PFKL: variants seen among roughly 807,000 people sequenced by gnomAD.
PFKL encodes phosphofructokinase, liver type, also known as ATP-dependent 6-phosphofructokinase, liver type.
A neutral mutation model predicts 92.1 loss-of-function variants in PFKL; 74 were observed. The observed-to-expected ratio is 0.80, with a 90% CI of 0.67 to 0.97. The LOEUF is 0.97. PFKL is among the 50% of genes least tolerant of loss of function. The probability of loss-of-function intolerance (pLI) is 0.00; values close to 1 mark genes in which losing one functional copy is unlikely to be tolerated. For missense variants in PFKL, 1,028 were observed against 1,116.6 expected (o/e 0.92, Z 1.13); for synonymous variants, 494 against 456.4 (o/e 1.08, Z -1.05).
intron 3 of PFKL, 36 bp downstream of exon 3, chr21:44,311,119 G>T: frequency 1.3e-6 from 2 of 1,545,400 alleles, no homozygotes; most frequent in South Asian, 1.1e-5. Flanking sequence ...GTTGCACTTG[G>T]ACTCGCAGAC....
chr21:44,303,899 G>C (rs771522118), intron 1 of PFKL, among the ~76,000 whole-genome samples: 58 of 152,142 alleles, frequency 3.8e-4, no homozygotes, highest in Middle Eastern at 6.8e-3. Context: ...CTGCGGTGTC[G>C]GCGACTGCTG....
chr21:44,313,977 C>T lies in PFKL; in HGVS notation c.703C>T (p.Pro235Ser). 1 of 1,608,530 alleles carries T rather than the reference C, an allele frequency of 6.2e-7. No individual in the cohort carries two copies. The highest frequency in any genetic ancestry group is 1.3e-5 in the African/African-American group (1 of 75,018). Residue 235 changes from proline to serine, a missense_variant, in exon 7 of 22, where the codon CCC becomes TCC. By Grantham distance (74) the Pro-to-Ser change is moderately conservative. Coordinates refer to ENST00000349048, the MANE Select transcript of PFKL (RefSeq NM_002626.6). ...CTGGCTGTTCATCCCCGAGGCTCCA[C>T]CCGAGGACGGCTGGGAGAACTTCAT... ...ADWLFIPEAP[P>S]EDGWENFMCE...
At chr21:44,310,253 G>A (rs949991165) in intron 2 of PFKL, among the ~76,000 whole-genome samples, 20 of 152,384 alleles carry the variant, frequency 1.3e-4, no homozygotes, top group African/African-American at 4.6e-4. Flanking sequence ...GTGGCACGGA[G>A]GCTGTGCAGG....
At chr21:44,307,908 T>A (rs1181444071) in intron 2 of PFKL, among the ~76,000 whole-genome samples, 1 of 152,150 alleles carries the variant, frequency 6.6e-6, no homozygotes, top group Non-Finnish European at 1.5e-5. Flanking sequence ...CCCCACACAT[T>A]TGTGGTTGGG....
chr21:44,304,555 GC>G (rs1370704861), intron 1 of PFKL: 14 of 1,130,348 alleles, frequency 1.2e-5, no homozygotes, highest in Non-Finnish European at 1.5e-5. Flanking sequence ...CTCCCTCACT[GC>G]CCCCAACTCC....
chr21:44,301,942 C>T (rs987537352), intron 1 of PFKL, among the ~76,000 whole-genome samples: 2 of 152,186 alleles, frequency 1.3e-5, no homozygotes, highest in African/African-American at 2.4e-5. Flanking sequence ...GAAGGGCCAG[C>T]CTGGCAGGTG....
chr21:44,313,164 C>T (rs368079713), intron 5 of PFKL, 21 bp downstream of exon 5: 37 of 1,610,626 alleles, frequency 2.3e-5, no homozygotes, highest in East Asian at 1.1e-4. Context: ...CTGGCGCCGG[C>T]GGCCAGCCCA....
Position 44,327,355 on chromosome 21 carries a change from G to T in PFKL, c.*493G>T. On this transcript the variant is annotated 3_prime_UTR_variant, in exon 22 of 22. Coordinates refer to ENST00000349048, the MANE Select transcript of PFKL (RefSeq NM_002626.6). ...GAAATAAAATCACCCTGACTGTGGGGTGCATCGGTCTCCGGAGAGCACAGC... is the reference window on the plus strand; with the variant it reads ...GAAATAAAATCACCCTGACTGTGGGTTGCATCGGTCTCCGGAGAGCACAGC... 5.7e-6 allele frequency: 1 copy of T among 175,336 alleles called. No homozygotes were observed. The highest frequency in any genetic ancestry group is 5.4e-5 in the Admixed American group (1 of 18,460). The allele number at this position is 175,336 out of a possible 1,614,324, so 10.9% of individuals were successfully genotyped here.
chr21:44,307,877 G>A (rs919204749), intron 2 of PFKL, among the ~76,000 whole-genome samples: 1 of 152,214 alleles, frequency 6.6e-6, no homozygotes, highest in Non-Finnish European at 1.5e-5. Flanking sequence ...GCAAAGGGGA[G>A]AAATTAGGGT....
chr21:44,327,076 C>T lies in PFKL; in HGVS notation c.*214C>T. 1 of 591,528 alleles carries T rather than the reference C, an allele frequency of 1.7e-6. No homozygotes were observed. Among genetic ancestry groups the T allele is most frequent in the South Asian group, 2.0e-5 (1 of 50,398 alleles). The allele number at this position is 591,528 out of a possible 1,614,324, so 36.6% of individuals were successfully genotyped here. A position where few individuals can be genotyped will look rare whatever the true frequency, so the allele number is the denominator to read the frequency against. ...CCTGCCAGGCCCTCCAGCAGGAGGA[C>T]AGAGTGCCCTGGGGCATCCACCTTC... On this transcript the variant is annotated 3_prime_UTR_variant, in exon 22 of 22. Coordinates refer to ENST00000349048, the MANE Select transcript of PFKL (RefSeq NM_002626.6).
chr21:44,304,320 C>G, intron 1 of PFKL: 1 of 1,288,674 alleles, frequency 7.8e-7, no homozygotes, highest in Non-Finnish European at 1.0e-6. Flanking sequence ...TGGCTGTGAC[C>G]CTGGGCTGAC....
At position 44,324,625 on chromosome 21, in the gene PFKL, C is replaced by CGAG; in HGVS notation, c.1788_1790dup (p.Glu596dup). On this transcript the variant is annotated inframe_insertion, in exon 17 of 22. Transcript: ENST00000349048. The stretch of plus-strand genomic sequence containing the variant: ...TGGGGGCCGACGCCGCCTACGTCTT[C>CGAG]GAGGACCCTTTCAACATCCACGACT... 6.2e-7 allele frequency: 1 copy of CGAG among 1,605,946 alleles called. No homozygotes were observed. The highest frequency in any genetic ancestry group is 8.5e-7 in the Non-Finnish European group (1 of 1,175,610).
intron 9 of PFKL, among the ~76,000 whole-genome samples, chr21:44,316,755 G>C (rs1461070100): frequency 6.6e-6 from 1 of 151,942 alleles, no homozygotes; most frequent in Admixed American, 6.6e-5. Flanking sequence ...GTGGGTGTGT[G>C]TCAGTGTGGG....
At chr21:44,310,927 G>A in intron 2 of PFKL, 79 bp from the exon 3 acceptor site, 2 of 1,016,052 alleles carry the variant, frequency 2.0e-6, no homozygotes, top group Admixed American at 1.8e-5. Flanking sequence ...CTGGTGGGGT[G>A]AAAATCCTGC....
At chr21:44,303,861 C>T (rs1419959725) in intron 1 of PFKL, among the ~76,000 whole-genome samples, 1 of 152,168 alleles carries the variant, frequency 6.6e-6, no homozygotes, top group Non-Finnish European at 1.5e-5. Flanking sequence ...TAGGCAGCGG[C>T]AGGCCCACTG....
At chr21:44,318,633 C>G in intron 10 of PFKL, 38 bp downstream of exon 10, 1 of 1,431,580 alleles carries the variant, frequency 7.0e-7, no homozygotes, top group Non-Finnish European at 9.3e-7. Flanking sequence ...CCGCCTGGCC[C>G]CTCTCCCCAG....
intron 11 of PFKL, chr21:44,319,871 G>A (rs926745891): frequency 3.7e-5 from 20 of 545,944 alleles, no homozygotes; most frequent in African/African-American, 3.0e-4. Flanking sequence ...GTGCTTTGCT[G>A]CACGGGCTGG....
rs970281803 is a variant in PFKL, at chr21:44,311,489, G to A, written c.237+406G>A. Among the ~76,000 whole-genome samples the A allele has an allele frequency of 3.9e-5, 6 of 152,270 alleles. No individual in the cohort carries two copies. The South Asian group carries it at 8.3e-4, about 21-fold the overall frequency. On this transcript the variant is annotated intron_variant, in intron 3 of 21. Coordinates refer to ENST00000349048, the MANE Select transcript of PFKL (RefSeq NM_002626.6). ...ACGTAGACACACAGATGCGCACACAGGTACACAGATACAGAAACATACAGA... is the reference window on the plus strand; with the variant it reads ...ACGTAGACACACAGATGCGCACACAAGTACACAGATACAGAAACATACAGA...
At chr21:44,325,547 A>G in intron 19 of PFKL, 1 of 541,168 alleles carries the variant, frequency 1.8e-6, no homozygotes, top group Non-Finnish European at 3.3e-6. Flanking sequence ...ACTTCCGCCG[A>G]ACCCCTCACC....
Sources: allele counts gnomAD v4.1 joint callset (sites outside exome capture counted in the v4.1 genomes callset), GRCh38; gene constraint gnomAD v4.1.1; transcripts MANE v1.5; gene names NCBI Gene and HGNC (gene_info 2026-07-23, HGNC 2026-07-21).